IFNAR2: variants seen among roughly 807,000 people sequenced by gnomAD.
IFNAR2 encodes interferon alpha/beta receptor 2.
In IFNAR2, 30 loss-of-function variants were observed where a neutral mutation model predicts 49.4. The observed-to-expected ratio is 0.61, with a 90% CI of 0.45 to 0.82. The LOEUF (loss-of-function observed/expected upper bound fraction) is 0.82, where lower values mean the gene tolerates loss of function less well. Among genes scored for constraint, IFNAR2 ranks in the 40% least tolerant of loss-of-function variants. IFNAR2 has a pLI of 0.00. For missense variants in IFNAR2, 600 were observed against 622.7 expected, an observed-to-expected ratio of 0.96 and a Z score of 0.39; for synonymous variants, 224 against 234.5, an observed-to-expected ratio of 0.96 and a Z score of 0.41.
intron 3 of IFNAR2, among the ~76,000 whole-genome samples, chr21:33,244,291 T>C (rs1987222026): frequency 6.6e-6 from 1 of 152,202 alleles, no homozygotes; most frequent in South Asian, 2.1e-4. Context: ...AAGTCTGGCT[T>C]TAATGTCTCA....
intron 7 of IFNAR2, among the ~76,000 whole-genome samples, chr21:33,255,607 C>T (rs1488751089): frequency 3.3e-5 from 5 of 152,014 alleles, no homozygotes; most frequent in African/African-American, 9.7e-5. Flanking sequence ...AGGTGTACCA[C>T]CCTCTCTGTA....
intron 3 of IFNAR2, among the ~76,000 whole-genome samples, chr21:33,244,227 C>A (rs1205337165): frequency 2.6e-5 from 4 of 152,152 alleles, no homozygotes; most frequent in Admixed American, 6.5e-5. Context: ...GAGTCCTAAC[C>A]ACAGGAAACT....
At position 33,232,652 on chromosome 21, in the gene IFNAR2, G is replaced by T. The variant is rs372149269; in HGVS notation, c.-84+2436G>T. ...AAAGAAGGAGACTGATCCAGTCCTT[G>T]TTAAAAAAAAAAAAAAGAGGAAACT... On this transcript the variant is annotated intron_variant, in intron 1 of 8. Transcript: ENST00000342136. Among the ~76,000 whole-genome samples the T allele has an allele frequency of 2.5e-4, 32 of 127,838 alleles. No homozygotes were observed. In the East Asian group the frequency reaches 7.4e-3, roughly 29 times the overall value. The allele number at this position is 127,838 out of a possible 152,430, so 83.9% of individuals were successfully genotyped here.
intron 2 of IFNAR2, 125 bp from the exon 3 acceptor site, chr21:33,243,548 G>T: frequency 2.4e-6 from 2 of 834,850 alleles, no homozygotes; most frequent in Admixed American, 2.1e-5. Flanking sequence ...GCATTTTTTT[G>T]GCACAAGAAA....
intron 1 of IFNAR2, chr21:33,231,614 C>G (rs1601780697): frequency 1.4e-6 from 1 of 723,976 alleles, no homozygotes; most frequent in East Asian, 1.3e-4. Flanking sequence ...ATGGCTCACA[C>G]TTGCACACTC....
rs1449154331 is a variant in IFNAR2, at chr21:33,263,130, G to C, written c.1178G>C (p.Gly393Ala). ...CCTCAGCAGTTGGAACTCTTGAGTG[G>C]GCCCTGTGAGAGGAGAAAGAGTCCA... ...DSPQQLELLS[G>A]PCERRKSPLQ... Residue 393 changes from glycine to alanine, a missense_variant, in exon 9 of 9, where the codon GGG becomes GCG. Coordinates refer to ENST00000342136, the MANE Select transcript of IFNAR2 (RefSeq NM_001289125.3). 6.2e-7 allele frequency: 1 copy of C among 1,614,048 alleles called. No individual in the cohort carries two copies. The highest frequency in any genetic ancestry group is 1.3e-5 in the African/African-American group (1 of 74,912).
At chr21:33,251,863 G>A in intron 6 of IFNAR2, 3 of 711,564 alleles carry the variant, frequency 4.2e-6, no homozygotes, top group Non-Finnish European at 5.2e-6. Flanking sequence ...CAGGCAGATC[G>A]CTTGCGGTCA....
chr21:33,246,848 A>G lies in IFNAR2; in HGVS notation c.352A>G (p.Thr118Ala), dbSNP rs767824035. The change falls in exon 5 of 9, where the codon ACG becomes GCG. Residue 118 changes from threonine to alanine, a missense_variant. Coordinates refer to ENST00000342136, the MANE Select transcript of IFNAR2 (RefSeq NM_001289125.3). Reference protein sequence around the residue: ...TVLEGFSGNTTLFSCSHNFWL... With the variant: ...TVLEGFSGNTALFSCSHNFWL... ...CCTAGAAGGATTCAGCGGGAACACA[A>G]CGTTGTTCAGTTGCTCACACAATTT... 13 of 1,614,094 alleles carry G rather than the reference A, an allele frequency of 8.1e-6. No homozygotes were observed. Among genetic ancestry groups the G allele is most frequent in the South Asian group, 6.6e-5 (6 of 91,090 alleles).
At chr21:33,251,325 TA>T (rs1044952590) in intron 6 of IFNAR2, among the ~76,000 whole-genome samples, 8 of 152,348 alleles carry the variant, frequency 5.3e-5, no homozygotes, top group Admixed American at 5.2e-4. Context: ...TCCAGTGCTG[TA>T]AATGGGACAA....
Position 33,263,647 on chromosome 21 carries a change from C to A in IFNAR2, c.*147C>A. 1.5e-6 allele frequency: 1 copy of A among 678,076 alleles called. No individual in the cohort carries two copies. Among genetic ancestry groups the A allele is most frequent in the Non-Finnish European group, 2.5e-6 (1 of 407,894 alleles). 42.0% of individuals were successfully genotyped at this position (678,076 alleles called of 1,614,324 possible). The stretch of plus-strand genomic sequence containing the variant: ...TGTTCCTTTCTTCCAGGTGACATCA[C>A]CTATGCACATTCCCAGTATGGGGAC... On this transcript the variant is annotated 3_prime_UTR_variant, in exon 9 of 9. Coordinates refer to ENST00000342136, the MANE Select transcript of IFNAR2 (RefSeq NM_001289125.3).
intron 8 of IFNAR2, among the ~76,000 whole-genome samples, chr21:33,262,135 G>A (rs369074606): frequency 1.3e-5 from 2 of 152,134 alleles, no homozygotes; most frequent in East Asian, 3.9e-4. Flanking sequence ...GGGAGGCCAA[G>A]GCAGGTAGAT....
At chr21:33,253,012 A>G (rs961487753) in intron 7 of IFNAR2, 182 bp downstream of exon 7, 3 of 630,368 alleles carry the variant, frequency 4.8e-6, no homozygotes, top group Non-Finnish European at 8.5e-6. Flanking sequence ...TCACTTTTAT[A>G]TTGTCATACC....
chr21:33,250,852 A>G (rs978403212), intron 6 of IFNAR2, among the ~76,000 whole-genome samples: 4 of 152,158 alleles, frequency 2.6e-5, no homozygotes, highest in Admixed American at 1.3e-4. Context: ...AATTCTGCAT[A>G]TATTTTGCAT....
rs745581365 is a variant in IFNAR2, at chr21:33,246,819, C to T, written c.323C>T (p.Thr108Ile). The change falls in exon 5 of 9, where the codon ACC (threonine) becomes ATC (isoleucine). Residue 108 changes from threonine (T) to isoleucine (I), a missense_variant. Coordinates refer to ENST00000342136, the MANE Select transcript of IFNAR2 (RefSeq NM_001289125.3). ...EWRSTHEAYVTVLEGFSGNTT... is the reference protein window; with the variant it reads ...EWRSTHEAYVIVLEGFSGNTT... ...AGAAGCACACACGAGGCCTATGTCA[C>T]CGTCCTAGAAGGATTCAGCGGGAAC... The T allele has an allele frequency of 1.9e-6, 3 of 1,614,190 alleles. No homozygotes were observed. Among genetic ancestry groups the T allele is most frequent in the Non-Finnish European group, 1.7e-6 (2 of 1,179,980 alleles).
In IFNAR2 at chr21:33,230,051, G is replaced by GACC; in HGVS notation, c.-242_-240dup. On this transcript the variant is annotated 5_prime_UTR_variant, in exon 1 of 9. Transcript: ENST00000342136. This position sits in a 1 kb window ranked among gnomAD's most constrained non-coding sequence, Gnocchi z 5.5. ...AACAGTTCCCCGAGCGCAGCCCGCGGACCACCACCCGGCCGCACGGGCCGC... is the reference window on the plus strand; with the variant it reads ...AACAGTTCCCCGAGCGCAGCCCGCGGACCACCACCACCCGGCCGCACGGGCCGC... The GACC allele has an allele frequency of 1.0e-6, 1 of 986,050 alleles. No homozygotes were observed. The highest frequency in any genetic ancestry group is 4.6e-5 in the South Asian group (1 of 21,774). 61.1% of individuals were successfully genotyped at this position (986,050 alleles called of 1,614,324 possible). A position where few individuals can be genotyped will look rare whatever the true frequency, so the allele number is the denominator to read the frequency against.
chr21:33,250,806 T>G (rs1987785818), intron 6 of IFNAR2, among the ~76,000 whole-genome samples: 2 of 152,180 alleles, frequency 1.3e-5, no homozygotes, highest in South Asian at 4.1e-4. Context: ...CCCAAAGTGT[T>G]GGGATTACAA....
In IFNAR2 at chr21:33,230,413, C is replaced by G; in HGVS notation, c.-84+197C>G. On this transcript the variant is annotated intron_variant, in intron 1 of 8. Coordinates refer to ENST00000342136, the MANE Select transcript of IFNAR2 (RefSeq NM_001289125.3). This position sits in a 1 kb window ranked among gnomAD's most constrained non-coding sequence, Gnocchi z 5.5. ...CCCTTCCTCTCTCCCGGGGCCGCAC[C>G]TGCGACCCCAGGACCCCTCCCGGGC... The G allele has an allele frequency of 2.1e-6, 1 of 476,138 alleles. No individual in the cohort carries two copies. Among genetic ancestry groups the G allele is most frequent in the Non-Finnish European group, 3.8e-6 (1 of 260,340 alleles). The allele number at this position is 476,138 out of a possible 1,614,324, so 29.5% of individuals were successfully genotyped here.
At chr21:33,249,221 G>T (rs776018127) in intron 6 of IFNAR2, among the ~76,000 whole-genome samples, 5 of 151,852 alleles carry the variant, frequency 3.3e-5, no homozygotes, top group Non-Finnish European at 7.4e-5. Flanking sequence ...GCAGGCATCT[G>T]TAATCCTAGC....
chr21:33,236,105 A>C (rs1235958067), intron 1 of IFNAR2, among the ~76,000 whole-genome samples: 3 of 152,190 alleles, frequency 2.0e-5, no homozygotes, highest in African/African-American at 7.2e-5. Context: ...TGAACTAGCC[A>C]GAAGAAGCAA....
Sources: allele counts gnomAD v4.1 joint callset (sites outside exome capture counted in the v4.1 genomes callset), GRCh38; gene constraint gnomAD v4.1.1; non-coding constraint Gnocchi (gnomAD v3.1); transcripts MANE v1.5; gene names NCBI Gene and HGNC (gene_info 2026-07-23, HGNC 2026-07-21).